HHIP: variants seen among roughly 807,000 people sequenced by gnomAD.
HHIP encodes the protein hedgehog interacting protein.
A neutral mutation model predicts 74.0 loss-of-function variants in HHIP; 12 were observed. The observed-to-expected ratio is 0.16, with a 90% CI of 0.10 to 0.26. The LOEUF (loss-of-function observed/expected upper bound fraction) is 0.26, where lower values mean the gene tolerates loss of function less well. HHIP is among the 10% of genes least tolerant of loss of function. The pLI is 1.00. For synonymous variants in HHIP, 309 were observed against 311.6 expected, an observed-to-expected ratio of 0.99 and a Z score of 0.09; for missense variants, 788 against 845.0, an observed-to-expected ratio of 0.93 and a Z score of 0.84.
At chr4:144,659,914 G>C in intron 4 of HHIP, 76 bp downstream of exon 4, 1 of 1,041,186 alleles carries the variant, frequency 9.6e-7, no homozygotes, top group East Asian at 2.4e-5. Context: ...CTCACTGAAG[G>C]TATTTCTTTG....
chr4:144,725,863 G>GGGC (rs1730789460), intron 11 of HHIP, among the ~76,000 whole-genome samples: 2 of 152,032 alleles, frequency 1.3e-5, no homozygotes, highest in Non-Finnish European at 2.9e-5. Flanking sequence ...AGAGACGGGG[G>GGGC]TTTCACCATG....
intron 1 of HHIP, chr4:144,648,409 A>G (rs1445895392): frequency 6.6e-6 from 1 of 152,180 alleles, no homozygotes; most frequent in Non-Finnish European, 1.5e-5. Flanking sequence ...ATGAGTGAGA[A>G]CTGTCTTGCT....
At chr4:144,659,950 G>C (rs917484630) in intron 4 of HHIP, 112 bp downstream of exon 4, 15 of 751,970 alleles carry the variant, frequency 2.0e-5, no homozygotes, top group Non-Finnish European at 2.9e-5. Context: ...TCTTGCAGGA[G>C]AAAATAAGGG....
chr4:144,723,502 G>C (rs1560720838), intron 11 of HHIP, among the ~76,000 whole-genome samples: 1 of 152,210 alleles, frequency 6.6e-6, no homozygotes, highest in Non-Finnish European at 1.5e-5. Context: ...CAGGGAGCCA[G>C]CAGGCAGCTC....
Position 144,715,384 on chromosome 4 carries a change from A to G in HHIP, c.1632A>G (p.Arg544=). The part of the protein sequence containing the change: ...PLCLGTSGSC[R]GYFSGHILGF... ...GTCTCGGCACTAGTGGGTCCTGTAG[A>G]GGCTACTTTTCCGGTCACATCTTGG... is the stretch of plus-strand genomic sequence containing the variant. Residue 544 remains arginine, a synonymous_variant, in exon 10 of 13, where the codon AGA becomes AGG. Coordinates refer to ENST00000296575, the MANE Select transcript of HHIP (RefSeq NM_022475.3). 2 of 1,613,524 alleles carry G rather than the reference A, an allele frequency of 1.2e-6. No individual in the cohort carries two copies. The highest frequency in any genetic ancestry group is 1.7e-6 in the Non-Finnish European group (2 of 1,179,552).
intron 4 of HHIP, among the ~76,000 whole-genome samples, chr4:144,675,648 C>G (rs1418951279): frequency 6.6e-6 from 1 of 151,884 alleles, no homozygotes; most frequent in African/African-American, 2.4e-5. Flanking sequence ...TATAATTGTA[C>G]TATTTGATTA....
intron 4 of HHIP, among the ~76,000 whole-genome samples, chr4:144,681,970 A>G (rs1034671362): frequency 1.3e-5 from 2 of 152,218 alleles, no homozygotes; most frequent in Non-Finnish European, 2.9e-5. Context: ...TGTGGAAGCT[A>G]AAGCATAGGG....
chr4:144,668,289 TCGA>T (rs1192094094), intron 4 of HHIP, among the ~76,000 whole-genome samples: 2 of 150,416 alleles, frequency 1.3e-5, no homozygotes, highest in African/African-American at 4.9e-5. Context: ...GCCACTGCAC[TCGA>T]GCCCGGGTGA....
Position 144,711,946 on chromosome 4 carries a change from G to A in HHIP, c.1302-4G>A. 6.2e-7 allele frequency: 1 copy of A among 1,611,308 alleles called. No homozygotes were observed. The highest frequency in any genetic ancestry group is 8.5e-7 in the Non-Finnish European group (1 of 1,178,722). ...ATTAATGTGTATCCCCTCTTGTTAT[G>A]CAGATGTGCTGTGGATAGACATCCC... On this transcript the variant is annotated splice_polypyrimidine_tract_variant and splice_region_variant and intron_variant, in intron 7 of 12. Coordinates refer to ENST00000296575, the MANE Select transcript of HHIP (RefSeq NM_022475.3).
intron 6 of HHIP, among the ~76,000 whole-genome samples, 180 bp downstream of exon 6, chr4:144,707,440 G>C (rs1350865325): frequency 6.6e-6 from 1 of 152,024 alleles, no homozygotes; most frequent in African/African-American, 2.4e-5. Context: ...TATGCTACGT[G>C]ATCTTTTGTT....
At chr4:144,648,799 G>A (rs1214058033) in intron 1 of HHIP, 6 of 152,150 alleles carry the variant, frequency 3.9e-5, no homozygotes, top group Non-Finnish European at 1.5e-5. Context: ...GGGAGTTATA[G>A]CCCTTAAGAG....
rs1017466769 is a variant in HHIP, at chr4:144,743,817, C to A, written c.*5860C>A. The stretch of plus-strand genomic sequence containing the variant: ...TTGTCTTTGCAGTTACAAACTAATT[C>A]TTGTACATTTTCCTTTTCACTAAAA... On this transcript the variant is annotated 3_prime_UTR_variant, in exon 13 of 13. Coordinates refer to ENST00000296575, the MANE Select transcript of HHIP (RefSeq NM_022475.3). 6.6e-6 allele frequency: 1 copy of A among 151,984 alleles called. No homozygotes were observed. The highest frequency in any genetic ancestry group is 1.5e-5 in the Non-Finnish European group (1 of 67,938). The allele number at this position is 151,984 out of a possible 1,614,324, so 9.4% of individuals were successfully genotyped here.
At position 144,684,232 on chromosome 4, in the gene HHIP, ATTTTTTTTTTTTTTTTTTTTTT is replaced by A. The variant is rs1174297815; in HGVS notation, c.832-22276_832-22255del. 1.8e-3 allele frequency among the ~76,000 whole-genome samples: 115 copies of A among 62,998 alleles called. 1 individual carries two copies. The highest frequency in any genetic ancestry group is 5.8e-3 in the African/African-American group (94 of 16,092). The allele number at this position is 62,998 out of a possible 152,430, so 41.3% of individuals were successfully genotyped here. On this transcript the variant is annotated intron_variant, in intron 4 of 12. Transcript: ENST00000296575. ...ATGAAAAATACAAAAAAAAAAAAGAATTTTTTTTTTTTTTTTTTTTTTTTTTTTTTTTTTTTTTTTTTTTGAG... is the reference window on the plus strand; with the variant it reads ...ATGAAAAATACAAAAAAAAAAAAGAATTTTTTTTTTTTTTTTTTTTTTGAG...
chr4:144,674,458 T>G (rs75522940), intron 4 of HHIP, among the ~76,000 whole-genome samples: 1 of 152,196 alleles, frequency 6.6e-6, no homozygotes, highest in Admixed American at 6.5e-5. Flanking sequence ...GGCATCTTCA[T>G]TTTTTAAAAT....
At chr4:144,704,847 C>T (rs1289623804) in intron 4 of HHIP, among the ~76,000 whole-genome samples, 6 of 152,192 alleles carry the variant, frequency 3.9e-5, no homozygotes, top group Non-Finnish European at 8.8e-5. Context: ...ATTGTACTTA[C>T]ATATCCTAGC....
Position 144,738,062 on chromosome 4 carries a change from C to A in HHIP, c.*105C>A. ...TGCTACACACTCCTGTGATTTCATTCTCTTTTATTAATTTAAAAATAATTT... is the reference window on the plus strand; with the variant it reads ...TGCTACACACTCCTGTGATTTCATTATCTTTTATTAATTTAAAAATAATTT... On this transcript the variant is annotated 3_prime_UTR_variant, in exon 13 of 13. Coordinates refer to ENST00000296575, the MANE Select transcript of HHIP (RefSeq NM_022475.3). 1 of 1,388,046 alleles carries A rather than the reference C, an allele frequency of 7.2e-7. No homozygotes were observed. Among genetic ancestry groups the A allele is most frequent in the African/African-American group, 1.5e-5 (1 of 68,376 alleles). 86.0% of individuals were successfully genotyped at this position (1,388,046 alleles called of 1,614,324 possible).
chr4:144,687,921 C>T (rs79374289), intron 4 of HHIP, among the ~76,000 whole-genome samples: 2,175 of 151,986 alleles, frequency 0.014, 54 homozygotes, highest in African/African-American at 0.048. Context: ...TTACAAGTTC[C>T]AATCTTGTAA....
At chr4:144,695,611 C>T (rs552677046) in intron 4 of HHIP, among the ~76,000 whole-genome samples, 3 of 151,200 alleles carry the variant, frequency 2.0e-5, no homozygotes, top group Admixed American at 2.0e-4. Context: ...ATTTCTTTCA[C>T]CCCTTATATT....
chr4:144,726,563 G>A (rs1359601694), intron 11 of HHIP, among the ~76,000 whole-genome samples: 2 of 152,260 alleles, frequency 1.3e-5, no homozygotes, highest in East Asian at 1.9e-4. Context: ...TCTTGATGTA[G>A]GTAAAATTCA....
Sources: allele counts gnomAD v4.1 joint callset (sites outside exome capture counted in the v4.1 genomes callset), GRCh38; gene constraint gnomAD v4.1.1; transcripts MANE v1.5; gene names NCBI Gene and HGNC (gene_info 2026-07-23, HGNC 2026-07-21).